The following IL1RAP variants were observed in gnomAD, a reference collection of about 807,000 sequenced individuals.
The protein encoded by IL1RAP is interleukin 1 receptor accessory protein, also known as interleukin-1 receptor accessory protein.
A neutral mutation model predicts 60.7 loss-of-function variants in IL1RAP; 35 were observed. The observed-to-expected ratio is 0.58, with a 90% CI of 0.44 to 0.76. IL1RAP has a LOEUF of 0.76. IL1RAP is among the 30% of genes least tolerant of loss of function. The pLI is 0.00. For missense variants in IL1RAP, 572 were observed against 693.9 expected, an observed-to-expected ratio of 0.82 and a Z score of 1.97; for synonymous variants, 268 against 250.9, an observed-to-expected ratio of 1.07 and a Z score of -0.64.
At chr3:190,611,201 G>A (rs1730794388) in intron 5 of IL1RAP, among the ~76,000 whole-genome samples, 1 of 152,128 alleles carries the variant, frequency 6.6e-6, no homozygotes, top group African/African-American at 2.4e-5. Flanking sequence ...ATCAATGACT[G>A]CTAACATCAC....
At chr3:190,632,522 G>A (rs955961337) in intron 9 of IL1RAP, among the ~76,000 whole-genome samples, 1 of 152,184 alleles carries the variant, frequency 6.6e-6, no homozygotes, top group Non-Finnish European at 1.5e-5. Context: ...TCCTGTGTCA[G>A]ATATATGAAT....
chr3:190,606,809 A>G (rs961703217), intron 4 of IL1RAP, among the ~76,000 whole-genome samples: 3 of 152,200 alleles, frequency 2.0e-5, no homozygotes, highest in African/African-American at 7.2e-5. Context: ...AAACTGAAAC[A>G]TGTAGAACCA....
intron 3 of IL1RAP, chr3:190,564,790 A>G (rs1423792935): frequency 1.1e-5 from 2 of 179,038 alleles, no homozygotes; most frequent in East Asian, 1.4e-4. Flanking sequence ...TTGTTTCTAT[A>G]TAGGAAAAAG....
intron 8 of IL1RAP, among the ~76,000 whole-genome samples, chr3:190,628,312 AT>A (rs1193071326): frequency 6.6e-6 from 1 of 152,184 alleles, no homozygotes; most frequent in African/African-American, 2.4e-5. Flanking sequence ...TTTTTTAGGA[AT>A]TTTTAACACT....
intron 1 of IL1RAP, among the ~76,000 whole-genome samples, chr3:190,542,459 G>T (rs1443034913): frequency 6.6e-6 from 1 of 152,134 alleles, no homozygotes; most frequent in African/African-American, 2.4e-5. Context: ...AATAAGACAT[G>T]AAAAGAAGCA....
At chr3:190,573,889 TATA>T (rs1014538783) in intron 3 of IL1RAP, among the ~76,000 whole-genome samples, 1 of 152,200 alleles carries the variant, frequency 6.6e-6, no homozygotes, top group Non-Finnish European at 1.5e-5. Flanking sequence ...ATTATATTCA[TATA>T]ATATTATATT....
At chr3:190,569,522 G>A (rs1480063239) in intron 3 of IL1RAP, among the ~76,000 whole-genome samples, 2 of 151,686 alleles carry the variant, frequency 1.3e-5, no homozygotes, top group Non-Finnish European at 1.5e-5. Context: ...AAAGGTCATT[G>A]GAATTACAGA....
chr3:190,534,929 A>AG (rs1400303810), intron 1 of IL1RAP, among the ~76,000 whole-genome samples: 1 of 150,106 alleles, frequency 6.7e-6, no homozygotes, highest in African/African-American at 2.5e-5. Context: ...AAAAAAAAAA[A>AG]AAAAAGAAAA....
intron 11 of IL1RAP, among the ~76,000 whole-genome samples, chr3:190,646,235 G>T (rs1734005766): frequency 6.6e-6 from 1 of 151,988 alleles, no homozygotes; most frequent in Non-Finnish European, 1.5e-5. Flanking sequence ...GTTTTATTTT[G>T]GTTTTAGAAA....
At chr3:190,655,962 G>A (rs188342914), downstream of IL1RAP, 5 of 1,537,272 alleles carry the variant, frequency 3.3e-6, no homozygotes, top group East Asian at 7.3e-5. Flanking sequence ...CTGACTATGT[G>A]ACAGAAAAGA....
chr3:190,515,077 G>A (rs900389877), intron 1 of IL1RAP, among the ~76,000 whole-genome samples: 9 of 152,222 alleles, frequency 5.9e-5, no homozygotes, highest in African/African-American at 2.2e-4. Flanking sequence ...GCCACGCGAA[G>A]CATTCTGCTG....
At chr3:190,574,313 C>T (rs3773970) in intron 3 of IL1RAP, among the ~76,000 whole-genome samples, 21,254 of 151,930 alleles carry the variant, frequency 0.14, 1,568 homozygotes, top group East Asian at 0.2. Context: ...TACATCTTTC[C>T]AAGTTTATAC....
intron 1 of IL1RAP, among the ~76,000 whole-genome samples, chr3:190,533,261 C>T (rs1390664591): frequency 6.6e-6 from 1 of 151,990 alleles, no homozygotes; most frequent in Non-Finnish European, 1.5e-5. Context: ...ATGAAAACTA[C>T]ATTAGTAATG....
At chr3:190,517,596 G>A (rs1169921768) in intron 1 of IL1RAP, among the ~76,000 whole-genome samples, 1 of 152,198 alleles carries the variant, frequency 6.6e-6, no homozygotes, top group African/African-American at 2.4e-5. Flanking sequence ...CATCTGCTGA[G>A]ACTTCTCATA....
chr3:190,657,099 C>A (rs1186464953), exon 12 of IL1RAP: 1 of 152,606 alleles, frequency 6.6e-6, no homozygotes, highest in Non-Finnish European at 1.5e-5. Flanking sequence ...ACCAAACATA[C>A]CCACCCAGGG....
At chr3:190,587,229 C>T (rs3773967) in intron 3 of IL1RAP, among the ~76,000 whole-genome samples, 29,121 of 152,132 alleles carry the variant, frequency 0.19, 3,065 homozygotes, top group East Asian at 0.45. Flanking sequence ...TAGAGAGTGA[C>T]AGATCTGCGT....
At chr3:190,604,041 G>A in intron 3 of IL1RAP, 87 bp from the exon 4 acceptor site, 1 of 1,325,224 alleles carries the variant, frequency 7.5e-7, no homozygotes. Context: ...GAAAAGACCG[G>A]GTGAACTGAG....
At chr3:190,555,384 TG>T (rs1442578457) in intron 1 of IL1RAP, among the ~76,000 whole-genome samples, 3 of 152,058 alleles carry the variant, frequency 2.0e-5, no homozygotes, top group South Asian at 2.1e-4. Flanking sequence ...CTATACTGTG[TG>T]GGGGGAGGTT....
chr3:190,573,651 G>T (rs536335432), intron 3 of IL1RAP, among the ~76,000 whole-genome samples: 2 of 152,158 alleles, frequency 1.3e-5, no homozygotes, highest in South Asian at 4.2e-4. Context: ...TTCTTAAAAA[G>T]GATTCTTCCT....
Sources: gnomAD v4.1 joint callset for allele counts (sites outside exome capture counted in the v4.1 genomes callset) on GRCh38, gnomAD v4.1.1 for gene constraint, MANE v1.5 for transcripts, NCBI Gene and HGNC (gene_info 2026-07-23, HGNC 2026-07-21) for gene names.